The following NECAB2 variants were observed in gnomAD, a reference collection of about 807,000 sequenced individuals.
NECAB2 encodes N-terminal EF-hand calcium-binding protein 2.
Under a neutral mutation model 51.9 loss-of-function variants are expected in NECAB2, and 68 were observed. The observed-to-expected ratio is 1.31, with a 90% CI of 1.08 to 1.60. The LOEUF is 1.60. NECAB2 is among the 40% of genes most tolerant of loss of function. The pLI, the probability that NECAB2 is intolerant of heterozygous loss-of-function variation, is 0.00. For synonymous variants in NECAB2, 329 were observed against 203.5 expected, an observed-to-expected ratio of 1.62 and a Z score of -5.25; for missense variants, 854 against 490.3, an observed-to-expected ratio of 1.74 and a Z score of -7.00.
In NECAB2 at chr16:83,997,329, A is replaced by T. The variant is rs924239329; in HGVS notation, c.849+60A>T. ...ATCCCTACCCATGCCAGGACTGCCA[A>T]GATCCAAGTGGCTCAATGCCCCTGA... On this transcript the variant is annotated intron_variant, in intron 9 of 12. Coordinates refer to ENST00000305202, the MANE Select transcript of NECAB2 (RefSeq NM_019065.3). The T allele has an allele frequency of 3.7e-6, 6 of 1,606,722 alleles. No homozygotes were observed. In the Admixed American group the frequency reaches 1.0e-4, roughly 27 times the overall value.
intron 9 of NECAB2, among the ~76,000 whole-genome samples, chr16:83,997,521 T>C (rs1663919674): frequency 7.5e-6 from 1 of 132,980 alleles, no homozygotes; most frequent in Admixed American, 8.2e-5. Flanking sequence ...GGAGTCTTGC[T>C]GTATCTCCCA....
chr16:83,999,241 G>C (rs910377972), intron 10 of NECAB2, among the ~76,000 whole-genome samples: 1 of 151,532 alleles, frequency 6.6e-6, no homozygotes, highest in Non-Finnish European at 1.5e-5. Context: ...TGGCCACGAG[G>C]GGCCATTCTT....
intron 5 of NECAB2, among the ~76,000 whole-genome samples, chr16:83,982,637 C>T (rs997061137): frequency 2.6e-5 from 4 of 152,148 alleles, no homozygotes; most frequent in African/African-American, 7.2e-5. Flanking sequence ...GTGAGGCATT[C>T]GTAACATCCA....
At chr16:83,972,022 G>T (rs1282970330) in intron 1 of NECAB2, 129 bp from the exon 2 acceptor site, 14 of 1,259,876 alleles carry the variant, frequency 1.1e-5, no homozygotes, top group South Asian at 2.6e-5. Context: ...GAGAGGGAAG[G>T]GGGGCTCAGC....
At chr16:83,999,240 G>A (rs1043991748) in intron 10 of NECAB2, among the ~76,000 whole-genome samples, 8 of 151,586 alleles carry the variant, frequency 5.3e-5, no homozygotes, top group African/African-American at 1.7e-4. Context: ...GTGGCCACGA[G>A]GGGCCATTCT....
intron 5 of NECAB2, among the ~76,000 whole-genome samples, chr16:83,982,219 G>A (rs554645790): frequency 2.9e-4 from 44 of 152,238 alleles, no homozygotes; most frequent in African/African-American, 9.1e-4. Context: ...GTTAGTGACC[G>A]CCATGTATTA....
Position 83,991,237 on chromosome 16 carries a change from C to T in NECAB2, c.596+607C>T, listed in dbSNP as rs1029765475. Among the ~76,000 whole-genome samples the T allele has an allele frequency of 5.3e-5, 8 of 152,144 alleles. No homozygotes were observed. The South Asian group carries it at 1.2e-3, about 24-fold the overall frequency. ...GCCTCACGTGATCCACCTGCCTTAG[C>T]CTCCCAAAGTGCTGGGATGAAAGGT... On this transcript the variant is annotated intron_variant, in intron 6 of 12. Transcript: ENST00000305202.
intron 3 of NECAB2, among the ~76,000 whole-genome samples, chr16:83,980,417 C>T (rs930959825): frequency 6.6e-6 from 1 of 152,140 alleles, no homozygotes; most frequent in East Asian, 1.9e-4. Flanking sequence ...ACAGGAAGGG[C>T]TCTGCCACAA....
At chr16:83,980,550 C>T (rs2151088999) in intron 3 of NECAB2, among the ~76,000 whole-genome samples, 1 of 152,270 alleles carries the variant, frequency 6.6e-6, no homozygotes, top group East Asian at 1.9e-4. Flanking sequence ...TTACCCCTTT[C>T]CTGGCCCCCA....
chr16:83,969,982 G>A (rs1042470990), intron 1 of NECAB2, among the ~76,000 whole-genome samples: 1 of 152,202 alleles, frequency 6.6e-6, no homozygotes, highest in African/African-American at 2.4e-5. Context: ...CACACTCGCA[G>A]GCACACATTC....
intron 6 of NECAB2, among the ~76,000 whole-genome samples, chr16:83,992,140 G>A (rs988926037): frequency 1.2e-4 from 19 of 152,188 alleles, no homozygotes; most frequent in African/African-American, 4.3e-4. Flanking sequence ...TCAGAGAGGT[G>A]TTGAAGACAG....
chr16:83,983,996 G>GTTTTTT (rs552020138), intron 5 of NECAB2, among the ~76,000 whole-genome samples: 1 of 125,288 alleles, frequency 8.0e-6, no homozygotes, highest in Admixed American at 8.1e-5. Flanking sequence ...ATATATGGTG[G>GTTTTTT]TTTTTTTTTT....
Position 83,974,043 on chromosome 16 carries a change from C to G in NECAB2, c.226+1868C>G, listed in dbSNP as rs931809077. ...CCATCAGAGGCCATGTGTCCACCCC[C>G]TGAGCACAGCTGTGGGACTCTCAGT... On this transcript the variant is annotated intron_variant, in intron 2 of 12. Transcript: ENST00000305202. Among the ~76,000 whole-genome samples the G allele has an allele frequency of 9.9e-5, 15 of 151,976 alleles. No individual in the cohort carries two copies. The East Asian group carries it at 2.5e-3, about 25-fold the overall frequency.
chr16:83,998,745 G>A (rs1029021084), intron 10 of NECAB2, among the ~76,000 whole-genome samples: 2 of 152,228 alleles, frequency 1.3e-5, no homozygotes, highest in African/African-American at 4.8e-5. Context: ...TAACCACTGA[G>A]GAAGGAGAGG....
At chr16:83,991,639 C>T (rs2084627247) in intron 6 of NECAB2, among the ~76,000 whole-genome samples, 1 of 150,900 alleles carries the variant, frequency 6.6e-6, no homozygotes, top group Non-Finnish European at 1.5e-5. Context: ...AGGCTTGAGC[C>T]ATGGAGCCCG....
chr16:84,001,710 CCCCCGTGCTTATTGATAAGCT>C (rs2084839823), intron 11 of NECAB2, 94 bp from the exon 12 acceptor site: 2 of 1,089,212 alleles, frequency 1.8e-6, no homozygotes, highest in African/African-American at 3.2e-5. Context: ...GTCCAAAGAC[CCCCCGTGCTTATTGATAAGCT>C]CCCCATTTTG....
chr16:83,993,501 G>C (rs904405464), intron 6 of NECAB2: 2 of 154,262 alleles, frequency 1.3e-5, no homozygotes, highest in South Asian at 4.1e-4. Flanking sequence ...TTCTGGGGGA[G>C]TGTCTGTGTT....
At chr16:83,971,862 C>A (rs1047498872) in intron 1 of NECAB2, 2 of 573,588 alleles carry the variant, frequency 3.5e-6, no homozygotes, top group East Asian at 5.8e-5. Flanking sequence ...GGACCTACAC[C>A]TGCAGGGATG....
chr16:83,965,634 C>T (rs370329234), upstream of NECAB2: 3 of 1,613,208 alleles, frequency 1.9e-6, no homozygotes, highest in African/African-American at 2.7e-5. Context: ...TCGCCCAGCC[C>T]CTATGAGGGT....
Sources: gnomAD v4.1 joint callset for allele counts (sites outside exome capture counted in the v4.1 genomes callset) on GRCh38, gnomAD v4.1.1 for gene constraint, MANE v1.5 for transcripts, NCBI Gene and HGNC (gene_info 2026-07-23, HGNC 2026-07-21) for gene names.